The following ANK3 variants were observed in gnomAD, a reference collection of about 807,000 sequenced individuals.
ANK3 encodes the protein ankyrin 3, also known as ankyrin-3.
A neutral mutation model predicts 370.9 loss-of-function variants in ANK3; 57 were observed. The observed-to-expected ratio is 0.15, with a 90% CI of 0.12 to 0.19. ANK3 has a LOEUF of 0.19. ANK3 is among the 10% of genes least tolerant of loss of function. ANK3 has a pLI of 1.00. For synonymous variants in ANK3, 1,929 were observed against 1,946.3 expected (o/e 0.99, Z 0.23); for missense variants, 4,439 against 5,302.1 (o/e 0.84, Z 5.06).
chr10:60,173,202 T>A lies in ANK3; in HGVS notation c.2185-16A>T. On this transcript the variant is annotated splice_polypyrimidine_tract_variant and intron_variant, in intron 18 of 43. Transcript: ENST00000280772. ...TGTATCCCATCTGTAATTATTATTT[T>A]TTTAAAAAAGAAGCATCATAATTAC... 6.3e-7 allele frequency: 1 copy of A among 1,582,076 alleles called. No individual in the cohort carries two copies. Among genetic ancestry groups the A allele is most frequent in the South Asian group, 1.2e-5 (1 of 86,414 alleles).
intron 1 of ANK3, among the ~76,000 whole-genome samples, chr10:60,320,680 GA>G (rs1248201093): frequency 1.3e-5 from 2 of 152,160 alleles, no homozygotes; most frequent in Non-Finnish European, 1.5e-5. Context: ...ACAGAAATCT[GA>G]AGGGAACACA....
At chr10:60,123,512 A>G (rs1020632137) in intron 25 of ANK3, among the ~76,000 whole-genome samples, 3 of 152,188 alleles carry the variant, frequency 2.0e-5, no homozygotes, top group Admixed American at 1.3e-4. Context: ...CAAGAGAGAG[A>G]GAAAAAAAGG....
At chr10:60,278,905 T>C (rs2098125858) in intron 3 of ANK3, 33 bp from the exon 4 acceptor site, 2 of 1,603,474 alleles carry the variant, frequency 1.2e-6, no homozygotes, top group Non-Finnish European at 1.7e-6. Flanking sequence ...TATCAACTCA[T>C]CGATCTTTTG....
intron 30 of ANK3, chr10:60,086,468 G>C (rs1484133486): frequency 6.6e-6 from 3 of 455,768 alleles, no homozygotes; most frequent in Non-Finnish European, 1.1e-5. Context: ...AATGAGTCAT[G>C]AGACCAGGAT....
intron 23 of ANK3, among the ~76,000 whole-genome samples, chr10:60,153,962 G>T (rs2095244406): frequency 6.6e-6 from 1 of 152,120 alleles, no homozygotes; most frequent in Admixed American, 6.5e-5. Flanking sequence ...ACTTCATGTT[G>T]ATGCAACCGA....
At chr10:60,617,698 CA>C (rs2078284063) in intron 1 of ANK3, among the ~76,000 whole-genome samples, 1 of 152,164 alleles carries the variant, frequency 6.6e-6, no homozygotes, top group Non-Finnish European at 1.5e-5. Context: ...TTATAGAGCA[CA>C]CAACATTTGA....
chr10:60,619,650 T>C (rs1255111576), intron 1 of ANK3, among the ~76,000 whole-genome samples: 1 of 152,124 alleles, frequency 6.6e-6, no homozygotes, highest in Non-Finnish European at 1.5e-5. Flanking sequence ...CTGTAGAGCC[T>C]CAGGGGAGAT....
At chr10:60,048,820 G>C (rs1176306417) in intron 42 of ANK3, among the ~76,000 whole-genome samples, 1 of 152,188 alleles carries the variant, frequency 6.6e-6, no homozygotes, top group Non-Finnish European at 1.5e-5. Context: ...GCTGCTGTCT[G>C]GCTGTGTGAT....
chr10:60,601,177 AC>A (rs2078056977), intron 2 of ANK3, among the ~76,000 whole-genome samples: 1 of 151,062 alleles, frequency 6.6e-6, no homozygotes, highest in Non-Finnish European at 1.5e-5. Context: ...TACAACGCAC[AC>A]ACACACACAC....
chr10:60,073,940 T>C lies in ANK3; in HGVS notation c.6941A>G (p.Gln2314Arg), dbSNP rs2083269166. The change falls in exon 37 of 44, where the codon CAG becomes CGG. Residue 2314 changes from glutamine (Q) to arginine (R), a missense_variant. Coordinates refer to ENST00000280772, the MANE Select transcript of ANK3 (RefSeq NM_020987.5). ...VHKSAAETSA[Q>R]HAEKDNQMKP... ...CATTTGGTTGTCCTTCTCTGCATGC[T>C]GGGCTGAGGTTTCAGCAGCAGACTT... 3 of 1,614,078 alleles carry C rather than the reference T, an allele frequency of 1.9e-6. No individual in the cohort carries two copies. The highest frequency in any genetic ancestry group is 2.5e-6 in the Non-Finnish European group (3 of 1,179,998).
chr10:60,353,028 G>A (rs564375895), intron 1 of ANK3, among the ~76,000 whole-genome samples: 2 of 152,116 alleles, frequency 1.3e-5, no homozygotes, highest in South Asian at 2.1e-4. Context: ...CTGTCACCCC[G>A]GCTGGAGTGC....
chr10:60,234,743 G>A lies in ANK3; in HGVS notation c.842C>T (p.Ala281Val), dbSNP rs2097302619. 1 of 1,613,398 alleles carries A rather than the reference G, an allele frequency of 6.2e-7. No individual in the cohort carries two copies. The highest frequency in any genetic ancestry group is 8.5e-7 in the Non-Finnish European group (1 of 1,179,542). The change falls in exon 8 of 44, where the codon GCA (alanine) becomes GTA (valine). Residue 281 changes from alanine to valine, a missense_variant. By Grantham distance (64) the Ala-to-Val change is moderately conservative. Transcript: ENST00000280772. ...ATCGAGCAATAGTTTTACCATATTT[G>A]CATTTCCTCTTTTTGATGCAACATG... is the stretch of plus-strand genomic sequence containing the variant. ...PLHVASKRGN[A>V]NMVKLLLDRG... is the part of the protein sequence containing the mutation.
At chr10:60,037,150 C>CTTGA (rs2075192054) in intron 43 of ANK3, among the ~76,000 whole-genome samples, 3 of 152,288 alleles carry the variant, frequency 2.0e-5, no homozygotes, top group African/African-American at 7.2e-5. Context: ...CAGCTGAAGC[C>CTTGA]ACCATTATGG....
intron 7 of ANK3, among the ~76,000 whole-genome samples, chr10:60,250,558 A>G (rs188615959): frequency 0.052 from 7,909 of 151,758 alleles, 422 homozygotes; most frequent in East Asian, 0.2. Context: ...GTAGAGACGG[A>G]GTTTCACCAT....
intron 2 of ANK3, among the ~76,000 whole-genome samples, chr10:60,579,166 A>T (rs1052309342): frequency 5.9e-5 from 9 of 151,908 alleles, no homozygotes; most frequent in Admixed American, 1.3e-4. Context: ...CTCTACTAAA[A>T]ATACAAAAAT....
intron 2 of ANK3, among the ~76,000 whole-genome samples, chr10:60,472,977 G>A (rs192684072): frequency 4.6e-5 from 7 of 152,200 alleles, no homozygotes; most frequent in South Asian, 4.2e-4. Context: ...CAGTTCCCCC[G>A]TCCTTCCCCA....
chr10:60,187,696 T>G (rs1225857796), intron 16 of ANK3, among the ~76,000 whole-genome samples: 3 of 152,178 alleles, frequency 2.0e-5, no homozygotes, highest in South Asian at 4.1e-4. Context: ...AGTTGAAATT[T>G]TTAATGTTCA....
intron 1 of ANK3, among the ~76,000 whole-genome samples, chr10:60,683,885 A>AGGACAGACAGATGAACAGAT (rs2079229941): frequency 6.6e-6 from 1 of 152,246 alleles, no homozygotes. Flanking sequence ...GAAGGATGGA[A>AGGACAGACAGATGAACAGAT]GGACAGACAG....
At chr10:60,449,252 AAAAT>A (rs1472937337) in intron 2 of ANK3, among the ~76,000 whole-genome samples, 1 of 152,198 alleles carries the variant, frequency 6.6e-6, no homozygotes, top group Non-Finnish European at 1.5e-5. Context: ...TAAAATATAA[AAAAT>A]AAATTTTATT....
Sources: gnomAD v4.1 joint callset for allele counts (sites outside exome capture counted in the v4.1 genomes callset) on GRCh38, gnomAD v4.1.1 for gene constraint, MANE v1.5 for transcripts, NCBI Gene and HGNC (gene_info 2026-07-23, HGNC 2026-07-21) for gene names.